Variants in FAM13A observed in about 807,000 individuals in gnomAD.
FAM13A encodes protein FAM13A.
FAM13A carries 76 observed loss-of-function variants against 129.6 expected under a neutral mutation model. The observed-to-expected ratio is 0.59, with a 90% CI of 0.49 to 0.71. The LOEUF (loss-of-function observed/expected upper bound fraction) is 0.71, where lower values mean the gene tolerates loss of function less well. Among genes scored for constraint, FAM13A ranks in the 30% least tolerant of loss-of-function variants. The pLI is 0.00. For missense variants in FAM13A, 1,108 were observed against 1,249.3 expected, an observed-to-expected ratio of 0.89 and a Z score of 1.70; for synonymous variants, 443 against 449.9, an observed-to-expected ratio of 0.98 and a Z score of 0.20.
At chr4:88,964,161 A>AT (rs1404914712) in intron 4 of FAM13A, among the ~76,000 whole-genome samples, 1 of 152,236 alleles carries the variant, frequency 6.6e-6, no homozygotes, top group Non-Finnish European at 1.5e-5. Flanking sequence ...ACGGCTGAGA[A>AT]TAATGAGAAG....
chr4:89,010,364 C>A (rs973564822), intron 3 of FAM13A, among the ~76,000 whole-genome samples: 4 of 152,198 alleles, frequency 2.6e-5, no homozygotes, highest in Non-Finnish European at 5.9e-5. Context: ...AAGGTTGACA[C>A]TACCAAGTGT....
intron 6 of FAM13A, among the ~76,000 whole-genome samples, chr4:88,897,632 G>T (rs1746577357): frequency 6.6e-6 from 1 of 152,118 alleles, no homozygotes; most frequent in Admixed American, 6.6e-5. Context: ...AACTAAAGAT[G>T]TCTGAGAAAG....
At chr4:89,036,343 A>C (rs543971692) in intron 1 of FAM13A, among the ~76,000 whole-genome samples, 73 of 152,250 alleles carry the variant, frequency 4.8e-4, no homozygotes, top group South Asian at 1.0e-3. Context: ...CTTTGAACTT[A>C]AGAGAGATGA....
intron 8 of FAM13A, among the ~76,000 whole-genome samples, chr4:88,794,894 A>G (rs1300953266): frequency 6.6e-6 from 1 of 151,828 alleles, no homozygotes; most frequent in Non-Finnish European, 1.5e-5. Flanking sequence ...CGATAAGTTG[A>G]TATGCAGCAT....
At chr4:89,012,520 G>A (rs562419970) in intron 3 of FAM13A, among the ~76,000 whole-genome samples, 1 of 152,294 alleles carries the variant, frequency 6.6e-6, no homozygotes, top group East Asian at 1.9e-4. Flanking sequence ...TGTCATGCAG[G>A]TATACTGATT....
chr4:88,961,548 T>C (rs976126568), intron 4 of FAM13A, among the ~76,000 whole-genome samples: 30 of 151,902 alleles, frequency 2.0e-4, no homozygotes, highest in African/African-American at 7.3e-4. Context: ...TTTGTATTTT[T>C]AGTAGAGACG....
chr4:88,950,429 T>A (rs1318706826), intron 4 of FAM13A, among the ~76,000 whole-genome samples: 1 of 152,196 alleles, frequency 6.6e-6, no homozygotes, highest in Non-Finnish European at 1.5e-5. Flanking sequence ...CATGCCCAGC[T>A]AAAAATCAGA....
intron 1 of FAM13A, among the ~76,000 whole-genome samples, chr4:89,036,846 A>G (rs1375657567): frequency 1.3e-5 from 2 of 152,206 alleles, no homozygotes; most frequent in African/African-American, 2.4e-5. Context: ...ACTGCTCCAG[A>G]GGGTACAGGC....
At chr4:89,051,331 T>C (rs897491828) in intron 1 of FAM13A, among the ~76,000 whole-genome samples, 3 of 152,146 alleles carry the variant, frequency 2.0e-5, no homozygotes, top group African/African-American at 7.2e-5. Context: ...GGGTCTCTTT[T>C]ATAGGGGTAA....
intron 13 of FAM13A, chr4:88,759,342 C>T: frequency 6.4e-6 from 1 of 156,720 alleles, no homozygotes. Context: ...GTCCTGCAAG[C>T]CAGGAATAGA....
chr4:89,033,347 T>C (rs972379556), intron 1 of FAM13A, among the ~76,000 whole-genome samples: 7 of 152,086 alleles, frequency 4.6e-5, no homozygotes, highest in African/African-American at 1.4e-4. Flanking sequence ...AAAGAAACTC[T>C]AGGAAGGAAG....
At chr4:89,050,951 T>G (rs979788513) in intron 1 of FAM13A, among the ~76,000 whole-genome samples, 1 of 152,008 alleles carries the variant, frequency 6.6e-6, no homozygotes, top group African/African-American at 2.4e-5. Flanking sequence ...ACTACAAAGA[T>G]AACCATCATG....
Position 89,030,783 on chromosome 4 carries a change from A to C in FAM13A, c.28-1134T>G, listed in dbSNP as rs535283548. Among the ~76,000 whole-genome samples the C allele has an allele frequency of 1.7e-3, 258 of 152,282 alleles. 2 individuals carry two copies. Among genetic ancestry groups the C allele is most frequent in the African/African-American group, 4.5e-3 (188 of 41,552 alleles). ...TTATATTAATGTTATAGTGCAGTTT[A>C]TGTACAATTATAGTGACAAACTTAT... is the stretch of plus-strand genomic sequence containing the variant. On this transcript the variant is annotated intron_variant, in intron 1 of 23. Coordinates refer to ENST00000264344, the MANE Select transcript of FAM13A (RefSeq NM_014883.4).
rs1772287169 is a variant in FAM13A, at chr4:89,057,096, T to A, written c.-132A>T. ...AGCTCCCAATGCAAAGGCCCCAAGG[T>A]AAGCGAAGAGCAGCTTCTAACATTT... On this transcript the variant is annotated 5_prime_UTR_variant, in exon 1 of 24. Coordinates refer to ENST00000264344, the MANE Select transcript of FAM13A (RefSeq NM_014883.4). 3.3e-6 allele frequency: 5 copies of A among 1,501,422 alleles called. No homozygotes were observed. Among genetic ancestry groups the A allele is most frequent in the South Asian group, 1.4e-5 (1 of 73,814 alleles). The allele number at this position is 1,501,422 out of a possible 1,614,324, so 93.0% of individuals were successfully genotyped here.
rs776179201 is a variant in FAM13A, at chr4:89,056,935, T to TAG, written c.27+2_27+3insCT. The stretch of plus-strand genomic sequence containing the variant: ...CAGAAGACAGAAGAAGGCCTATACT[T>TAG]ACACAGATGGCTAGAGCTCCTGCCC... On this transcript the variant is annotated splice_region_variant and intron_variant, in intron 1 of 23. Coordinates refer to ENST00000264344, the MANE Select transcript of FAM13A (RefSeq NM_014883.4). 10 of 1,613,190 alleles carry TAG rather than the reference T, an allele frequency of 6.2e-6. No homozygotes were observed. The South Asian group carries it at 1.1e-4, about 18-fold the overall frequency.
intron 1 of FAM13A, among the ~76,000 whole-genome samples, chr4:89,038,083 A>G (rs1769622808): frequency 6.6e-6 from 1 of 152,246 alleles, no homozygotes; most frequent in African/African-American, 2.4e-5. Context: ...TGAGCTTTTA[A>G]TGATGACACA....
intron 17 of FAM13A, among the ~76,000 whole-genome samples, chr4:88,748,277 T>C (rs566298114): frequency 5.9e-5 from 9 of 152,336 alleles, no homozygotes; most frequent in African/African-American, 1.7e-4. Context: ...AGTATCTAGT[T>C]ACAGTATCAG....
intron 5 of FAM13A, among the ~76,000 whole-genome samples, chr4:88,931,204 A>G (rs1752978464): frequency 6.6e-6 from 1 of 152,042 alleles, no homozygotes; most frequent in Non-Finnish European, 1.5e-5. Flanking sequence ...ATGTGGTGGC[A>G]GCAGCTGTGT....
chr4:89,013,335 CAT>C (rs543520649), intron 3 of FAM13A, among the ~76,000 whole-genome samples: 1 of 148,908 alleles, frequency 6.7e-6, no homozygotes, highest in Non-Finnish European at 1.5e-5. Flanking sequence ...AGTATATATA[CAT>C]ATATATAAAA....
Sources: gnomAD v4.1 joint callset for allele counts (sites outside exome capture counted in the v4.1 genomes callset) on GRCh38, gnomAD v4.1.1 for gene constraint, MANE v1.5 for transcripts, NCBI Gene and HGNC (gene_info 2026-07-23, HGNC 2026-07-21) for gene names.